Variants in RGS7BP observed in about 807,000 individuals in gnomAD.
The protein encoded by RGS7BP is regulator of G protein signaling 7 binding protein.
Under a neutral mutation model 31.3 loss-of-function variants are expected in RGS7BP, and 9 were observed. That is an observed-to-expected ratio of 0.29 (90% CI 0.17 to 0.50). RGS7BP has a LOEUF of 0.50. Among genes scored for constraint, RGS7BP ranks in the 20% least tolerant of loss-of-function variants. The pLI is 0.98. For synonymous variants in RGS7BP, 115 were observed against 120.1 expected (o/e 0.96, Z 0.28); for missense variants, 274 against 322.0 (o/e 0.85, Z 1.14).
intron 5 of RGS7BP, among the ~76,000 whole-genome samples, chr5:64,604,336 C>T (rs77325027): frequency 1.3e-5 from 2 of 151,998 alleles, no homozygotes; most frequent in African/African-American, 2.4e-5. Context: ...AATCTCCCCC[C>T]CTTCTCCTGC....
chr5:64,566,527 G>A (rs1416715176), intron 2 of RGS7BP, among the ~76,000 whole-genome samples: 1 of 152,006 alleles, frequency 6.6e-6, no homozygotes, highest in Non-Finnish European at 1.5e-5. Flanking sequence ...GTTCTGGGTG[G>A]TCCTCTGGGT....
rs1277961208 is a variant in RGS7BP, at chr5:64,609,800, C to G, written c.*548C>G. 1 of 152,524 alleles carries G rather than the reference C, an allele frequency of 6.6e-6. No individual in the cohort carries two copies. The highest frequency in any genetic ancestry group is 1.5e-5 in the Non-Finnish European group (1 of 68,028). 9.4% of individuals were successfully genotyped at this position (152,524 alleles called of 1,614,324 possible). A position where few individuals can be genotyped will look rare whatever the true frequency, so the allele number is the denominator to read the frequency against. On this transcript the variant is annotated 3_prime_UTR_variant, in exon 6 of 6. Coordinates refer to ENST00000334025, the MANE Select transcript of RGS7BP (RefSeq NM_001029875.3). ...TTCTCTGCACTCATTTACATTTAGTCTTCCATTCTGTCAGAATCTAAGAGC... is the reference window on the plus strand; with the variant it reads ...TTCTCTGCACTCATTTACATTTAGTGTTCCATTCTGTCAGAATCTAAGAGC...
chr5:64,597,661 T>C (rs1743109716), intron 4 of RGS7BP, among the ~76,000 whole-genome samples: 1 of 151,202 alleles, frequency 6.6e-6, no homozygotes, highest in Non-Finnish European at 1.5e-5. Context: ...GAAAACAAAA[T>C]AGCACATGTT....
At chr5:64,581,685 C>T (rs10939995) in intron 3 of RGS7BP, among the ~76,000 whole-genome samples, 44,319 of 152,028 alleles carry the variant, frequency 0.29, 6,803 homozygotes, top group South Asian at 0.39. Flanking sequence ...TTCCTTCTCT[C>T]CCAATTAAGC....
chr5:64,588,371 T>C (rs972345753), intron 3 of RGS7BP, among the ~76,000 whole-genome samples: 8 of 152,178 alleles, frequency 5.3e-5, no homozygotes, highest in Non-Finnish European at 5.9e-5. Flanking sequence ...GAGCAAGGCA[T>C]ACTTCCTATT....
At chr5:64,567,830 T>A (rs573893499) in intron 2 of RGS7BP, among the ~76,000 whole-genome samples, 48 of 152,314 alleles carry the variant, frequency 3.2e-4, no homozygotes, top group African/African-American at 1.2e-3. Flanking sequence ...AACTGCATAC[T>A]GCAATGAATG....
intron 2 of RGS7BP, among the ~76,000 whole-genome samples, chr5:64,561,854 C>T (rs1742064227): frequency 6.7e-6 from 1 of 148,150 alleles, no homozygotes; most frequent in Admixed American, 6.6e-5. Flanking sequence ...TGTCTGTCTG[C>T]CTGAAGAGCT....
At chr5:64,586,642 A>G (rs1229007720) in intron 3 of RGS7BP, among the ~76,000 whole-genome samples, 2 of 152,138 alleles carry the variant, frequency 1.3e-5, no homozygotes, top group East Asian at 1.9e-4. Context: ...TTTCTTACCT[A>G]TTGTCCTCTC....
At chr5:64,600,512 G>GTAA (rs577394688) in intron 5 of RGS7BP, among the ~76,000 whole-genome samples, 4 of 152,028 alleles carry the variant, frequency 2.6e-5, no homozygotes, top group Non-Finnish European at 4.4e-5. Context: ...ATTTTTAAAT[G>GTAA]TAATAATAAT....
chr5:64,538,306 G>A (rs992971925), intron 2 of RGS7BP, among the ~76,000 whole-genome samples: 2 of 151,906 alleles, frequency 1.3e-5, no homozygotes, highest in Non-Finnish European at 2.9e-5. Flanking sequence ...TCAAGATACA[G>A]AAGAGTTCCA....
At chr5:64,562,021 A>G (rs1742067850) in intron 2 of RGS7BP, among the ~76,000 whole-genome samples, 1 of 152,180 alleles carries the variant, frequency 6.6e-6, no homozygotes, top group Non-Finnish European at 1.5e-5. Flanking sequence ...TGGCAATAAA[A>G]TGATACTACA....
intron 2 of RGS7BP, among the ~76,000 whole-genome samples, chr5:64,536,726 A>G (rs979394999): frequency 1.3e-5 from 2 of 152,192 alleles, no homozygotes; most frequent in African/African-American, 4.8e-5. Flanking sequence ...CTAGTACCAG[A>G]TATGGACTTC....
intron 5 of RGS7BP, among the ~76,000 whole-genome samples, chr5:64,607,665 C>T (rs537398184): frequency 6.6e-6 from 1 of 152,056 alleles, no homozygotes; most frequent in South Asian, 2.1e-4. Context: ...ATTATAAATG[C>T]TTCTTATCGG....
intron 2 of RGS7BP, among the ~76,000 whole-genome samples, chr5:64,536,873 G>A (rs1005892517): frequency 6.6e-6 from 1 of 152,096 alleles, no homozygotes; most frequent in African/African-American, 2.4e-5. Context: ...TTAATTTGAT[G>A]AGCTAGTAAG....
chr5:64,509,021 C>G (rs1342192454), intron 2 of RGS7BP, among the ~76,000 whole-genome samples: 1 of 152,036 alleles, frequency 6.6e-6, no homozygotes, highest in Non-Finnish European at 1.5e-5. Flanking sequence ...GAGGGATAAA[C>G]AAAATATGTT....
chr5:64,578,069 T>C (rs955300863), intron 3 of RGS7BP, among the ~76,000 whole-genome samples: 9 of 152,252 alleles, frequency 5.9e-5, no homozygotes, highest in Admixed American at 5.9e-4. Flanking sequence ...GCTAGCTATC[T>C]GTTTATAAAT....
At chr5:64,582,438 C>G (rs1742625542) in intron 3 of RGS7BP, among the ~76,000 whole-genome samples, 1 of 152,204 alleles carries the variant, frequency 6.6e-6, no homozygotes, top group Non-Finnish European at 1.5e-5. Context: ...CCTGCCCTTT[C>G]TATTTTTGTT....
At chr5:64,518,860 T>C (rs1749038389) in intron 2 of RGS7BP, among the ~76,000 whole-genome samples, 1 of 152,096 alleles carries the variant, frequency 6.6e-6, no homozygotes, top group Non-Finnish European at 1.5e-5. Flanking sequence ...CCAGAAATTG[T>C]ATCTATGTTC....
chr5:64,545,358 A>AC lies in RGS7BP; in HGVS notation c.333-30416_333-30415insC, dbSNP rs1288451515. ...CAGCACACCAACATGGCACATGTAT[A>AC]ATATGTAACAAACCTGCACGTTGTG... On this transcript the variant is annotated intron_variant, in intron 2 of 5. Coordinates refer to ENST00000334025, the MANE Select transcript of RGS7BP (RefSeq NM_001029875.3). 3.3e-5 allele frequency among the ~76,000 whole-genome samples: 5 copies of AC among 152,182 alleles called. No homozygotes were observed. The East Asian group carries it at 5.8e-4, about 18-fold the overall frequency.
Sources: allele counts gnomAD v4.1 joint callset (sites outside exome capture counted in the v4.1 genomes callset), GRCh38; gene constraint gnomAD v4.1.1; transcripts MANE v1.5; gene names NCBI Gene and HGNC (gene_info 2026-07-23, HGNC 2026-07-21).